NRG1: variants seen among roughly 807,000 people sequenced by gnomAD.
The protein encoded by NRG1 is pro-neuregulin-1, membrane-bound isoform.
A neutral mutation model predicts 63.8 loss-of-function variants in NRG1; 18 were observed. The ratio of observed to expected loss-of-function variants is 0.28; its 90% CI spans 0.19 to 0.42. The LOEUF (loss-of-function observed/expected upper bound fraction) is 0.42, where lower values mean the gene tolerates loss of function less well. Ranked by LOEUF, NRG1 falls within the 10% of genes least tolerant of loss-of-function variation. The pLI is 1.00. For missense variants in NRG1, 762 were observed against 814.7 expected (o/e 0.94, Z 0.79); for synonymous variants, 302 against 301.3 (o/e 1.00, Z -0.02).
At chr8:32,508,181 G>A (rs1477978086) in intron 1 of NRG1, among the ~76,000 whole-genome samples, 1 of 152,192 alleles carries the variant, frequency 6.6e-6, no homozygotes, top group African/African-American at 2.4e-5. Flanking sequence ...TGAGGTAGGA[G>A]GACTCCTTAA....
intron 1 of NRG1, among the ~76,000 whole-genome samples, chr8:32,022,532 C>T (rs888704099): frequency 3.3e-5 from 5 of 152,134 alleles, no homozygotes; most frequent in African/African-American, 1.2e-4. Flanking sequence ...ATTCAAATTA[C>T]AAGACATGCA....
At chr8:31,696,008 A>G (rs1025849115) in intron 1 of NRG1, among the ~76,000 whole-genome samples, 2 of 134,972 alleles carry the variant, frequency 1.5e-5, no homozygotes, top group Admixed American at 1.4e-4. Flanking sequence ...TTTAAGGATT[A>G]AAAGATAATG....
chr8:32,025,727 C>T (rs370950921), intron 1 of NRG1, among the ~76,000 whole-genome samples: 2 of 151,924 alleles, frequency 1.3e-5, no homozygotes, highest in Non-Finnish European at 2.9e-5. Flanking sequence ...GCGGGCGGAT[C>T]ACGAGGTCAG....
intron 1 of NRG1, among the ~76,000 whole-genome samples, chr8:32,175,293 A>G (rs1840581675): frequency 6.6e-6 from 1 of 152,220 alleles, no homozygotes; most frequent in South Asian, 2.1e-4. Context: ...TCTTCATGCT[A>G]AAAACTATCA....
intron 1 of NRG1, among the ~76,000 whole-genome samples, chr8:31,647,153 A>T (rs2130859243): frequency 6.6e-6 from 1 of 152,290 alleles, no homozygotes; most frequent in South Asian, 2.1e-4. Flanking sequence ...TTCTCCTTGG[A>T]TCTCTCTTCA....
chr8:31,911,090 G>A (rs548236067), intron 1 of NRG1, among the ~76,000 whole-genome samples: 19 of 152,292 alleles, frequency 1.2e-4, no homozygotes, highest in African/African-American at 4.3e-4. Context: ...CAGCACGTGA[G>A]CCCCAGCTGT....
At chr8:32,403,141 A>C (rs1190764535) in intron 1 of NRG1, among the ~76,000 whole-genome samples, 1 of 151,976 alleles carries the variant, frequency 6.6e-6, no homozygotes, top group African/African-American at 2.4e-5. Flanking sequence ...TCTACTAAAA[A>C]TATAAAAATT....
chr8:31,954,624 G>A (rs1374335380), intron 1 of NRG1, among the ~76,000 whole-genome samples: 2 of 151,956 alleles, frequency 1.3e-5, no homozygotes, highest in African/African-American at 2.4e-5. Context: ...TTATATTTTG[G>A]TGCCTGTAAT....
intron 4 of NRG1, among the ~76,000 whole-genome samples, chr8:32,616,228 G>A (rs1274509003): frequency 6.6e-6 from 1 of 151,302 alleles, no homozygotes; most frequent in Non-Finnish European, 1.5e-5. Context: ...TGCTACCTGA[G>A]AAAATCTTGC....
chr8:32,208,804 G>T (rs546550679), intron 1 of NRG1, among the ~76,000 whole-genome samples: 14 of 152,236 alleles, frequency 9.2e-5, no homozygotes, highest in African/African-American at 3.4e-4. Context: ...TTTGACTTGA[G>T]AAATTTTTAA....
chr8:31,681,060 T>C (rs1422507520), intron 1 of NRG1, among the ~76,000 whole-genome samples: 4 of 152,034 alleles, frequency 2.6e-5, no homozygotes, highest in African/African-American at 9.7e-5. Context: ...TTATAAAGAC[T>C]TGACTCTTAA....
intron 1 of NRG1, among the ~76,000 whole-genome samples, chr8:31,733,157 T>C (rs1814282518): frequency 6.6e-6 from 1 of 151,888 alleles, no homozygotes; most frequent in Admixed American, 6.6e-5. Context: ...TGTTTTTTTT[T>C]TTTTATGGCT....
At chr8:32,113,522 A>G (rs1832313671) in intron 1 of NRG1, among the ~76,000 whole-genome samples, 1 of 152,100 alleles carries the variant, frequency 6.6e-6, no homozygotes, top group Admixed American at 6.5e-5. Context: ...GATATAACTA[A>G]TATCTTGACT....
Position 32,411,366 on chromosome 8 carries a change from T to A in NRG1, c.38-184462T>A, listed in dbSNP as rs1240720563. ...TAGGAAGAAGTAGAGTAAAACTTTATAAAGTAGGAAAAGAAATAATGTTTG... is the reference window on the plus strand; with the variant it reads ...TAGGAAGAAGTAGAGTAAAACTTTAAAAAGTAGGAAAAGAAATAATGTTTG... On this transcript the variant is annotated intron_variant, in intron 1 of 10. Transcript: ENST00000519301. 2.0e-5 allele frequency among the ~76,000 whole-genome samples: 3 copies of A among 152,184 alleles called. No homozygotes were observed. The East Asian group carries it at 5.8e-4, about 29-fold the overall frequency.
chr8:32,464,530 C>T (rs2129489650), intron 1 of NRG1, among the ~76,000 whole-genome samples: 1 of 152,232 alleles, frequency 6.6e-6, no homozygotes, highest in South Asian at 2.1e-4. Flanking sequence ...TCCTGTAGTT[C>T]ATACTGCAAA....
chr8:32,325,342 A>T (rs1801866753), intron 1 of NRG1, among the ~76,000 whole-genome samples: 1 of 152,182 alleles, frequency 6.6e-6, no homozygotes, highest in African/African-American at 2.4e-5. Flanking sequence ...TCTAGTACTG[A>T]ATCAGTTACT....
At chr8:31,957,697 C>T (rs1804685137) in intron 1 of NRG1, among the ~76,000 whole-genome samples, 1 of 151,540 alleles carries the variant, frequency 6.6e-6, no homozygotes, top group African/African-American at 2.4e-5. Flanking sequence ...ACAATTCAGT[C>T]AAGCCCACAT....
chr8:32,236,399 A>C (rs2129469366), intron 1 of NRG1, among the ~76,000 whole-genome samples: 1 of 152,282 alleles, frequency 6.6e-6, no homozygotes, highest in African/African-American at 2.4e-5. Flanking sequence ...TCTGCTCTAG[A>C]AACGTGAAAA....
chr8:32,452,577 C>T (rs574062264), intron 1 of NRG1, among the ~76,000 whole-genome samples: 2 of 152,182 alleles, frequency 1.3e-5, no homozygotes, highest in South Asian at 2.1e-4. Context: ...TAAATTGGGG[C>T]TTAATTGTAA....
Sources: gnomAD v4.1 joint callset for allele counts (sites outside exome capture counted in the v4.1 genomes callset) on GRCh38, gnomAD v4.1.1 for gene constraint, MANE v1.5 for transcripts, NCBI Gene and HGNC (gene_info 2026-07-23, HGNC 2026-07-21) for gene names.